The following MROH1 variants were observed in gnomAD, a reference collection of about 807,000 sequenced individuals.
MROH1 encodes maestro heat-like repeat-containing protein family member 1.
In MROH1, 117 loss-of-function variants were observed where a neutral mutation model predicts 116.5. The observed-to-expected ratio is 1.00, with a 90% CI of 0.86 to 1.17. The LOEUF is 1.17. Ranked by LOEUF, MROH1 falls within the 50% of genes most tolerant of loss-of-function variation. The pLI is 0.00. For synonymous variants in MROH1, 921 were observed against 583.9 expected (o/e 1.58, Z -8.32); for missense variants, 1,873 against 1,338.5 (o/e 1.40, Z -6.23).
chr8:144,211,870 A>G lies in MROH1; in HGVS notation c.1142-8730A>G, dbSNP rs1834174982. 3.3e-5 allele frequency among the ~76,000 whole-genome samples: 5 copies of G among 152,286 alleles called. No individual in the cohort carries two copies. The South Asian group carries it at 8.3e-4, about 25-fold the overall frequency. On this transcript the variant is annotated intron_variant, in intron 12 of 43. Transcript: ENST00000326134. ...GACGCATTTGATGGCTTCAATCCAG[A>G]GCAGTCATCACCATCACCGAAGCTC...
intron 14 of MROH1, among the ~76,000 whole-genome samples, chr8:144,237,183 G>A (rs905916092): frequency 1.3e-5 from 2 of 152,092 alleles, no homozygotes; most frequent in Non-Finnish European, 2.9e-5. Flanking sequence ...GGGATTATAG[G>A]CATGAGCCAC....
At chr8:144,237,371 C>T (rs1840233315) in intron 14 of MROH1, among the ~76,000 whole-genome samples, 1 of 152,246 alleles carries the variant, frequency 6.6e-6, no homozygotes, top group African/African-American at 2.4e-5. Flanking sequence ...GTCCTGAGGC[C>T]CTGTTGCCCT....
chr8:144,244,388 G>A, intron 27 of MROH1, 52 bp downstream of exon 27: 1 of 724,168 alleles, frequency 1.4e-6, no homozygotes, highest in East Asian at 2.6e-5. Context: ...GTGGTGGGAG[G>A]CCACTGTAGG....
At chr8:144,229,380 ATTTT>A (rs60877043) in intron 14 of MROH1, among the ~76,000 whole-genome samples, 8 of 108,894 alleles carry the variant, frequency 7.3e-5, no homozygotes, top group Admixed American at 1.0e-4. Context: ...TACCTTATGA[ATTTT>A]TTTTTTTTTT....
chr8:144,180,071 T>C lies in MROH1; in HGVS notation c.301-107T>C. 1.4e-6 allele frequency: 2 copies of C among 1,413,078 alleles called. No homozygotes were observed. Among genetic ancestry groups the C allele is most frequent in the Non-Finnish European group, 2.0e-6 (2 of 1,020,066 alleles). The allele number at this position is 1,413,078 out of a possible 1,614,324, so 87.5% of individuals were successfully genotyped here. A position where few individuals can be genotyped will look rare whatever the true frequency, so the allele number is the denominator to read the frequency against. ...CCCGCCACCTTCCCTGACCTGCACTTTCTGGGGACGCTGAAAACAGCGTGC... is the reference window on the plus strand; with the variant it reads ...CCCGCCACCTTCCCTGACCTGCACTCTCTGGGGACGCTGAAAACAGCGTGC... On this transcript the variant is annotated intron_variant, in intron 5 of 43. Coordinates refer to ENST00000326134, the MANE Select transcript of MROH1 (RefSeq NM_032450.3). The surrounding 1 kb of genome is among the most constrained non-coding windows in gnomAD (Gnocchi z 7.4).
intron 12 of MROH1, among the ~76,000 whole-genome samples, chr8:144,217,218 C>T (rs753923903): frequency 2.0e-4 from 30 of 152,170 alleles, no homozygotes; most frequent in Non-Finnish European, 5.9e-5. Context: ...ACAGGGGTGG[C>T]AGACAACCAC....
At chr8:144,256,836 G>A (rs998792862) in intron 35 of MROH1, among the ~76,000 whole-genome samples, 8 of 152,370 alleles carry the variant, frequency 5.3e-5, no homozygotes, top group South Asian at 2.1e-4. Context: ...TAGATTTGTC[G>A]AAGCTGGTTG....
At chr8:144,244,166 G>C (rs1354176336) in intron 26 of MROH1, 56 bp from the exon 27 acceptor site, 5 of 711,466 alleles carry the variant, frequency 7.0e-6, no homozygotes, top group Admixed American at 4.0e-5. Context: ...GAGGTTACTG[G>C]GTGTCTGAGT....
At chr8:144,232,192 A>C (rs1420599708) in intron 14 of MROH1, among the ~76,000 whole-genome samples, 1 of 152,106 alleles carries the variant, frequency 6.6e-6, no homozygotes, top group Non-Finnish European at 1.5e-5. Flanking sequence ...GCCTCTCTTC[A>C]TACCCCCACC....
chr8:144,250,574 G>A lies in MROH1; in HGVS notation c.3428+208G>A, dbSNP rs1473649888. On this transcript the variant is annotated intron_variant, in intron 33 of 43. Coordinates refer to ENST00000326134, the MANE Select transcript of MROH1 (RefSeq NM_032450.3). ...GACCTCTCCTCTCCAGGCGTTTTGG[G>A]ATCCTCACTGGCTCCGGTGGGCCCT... 7.8e-6 allele frequency: 5 copies of A among 641,070 alleles called. No homozygotes were observed. The Admixed American group carries it at 8.9e-5, about 11-fold the overall frequency. 39.7% of individuals were successfully genotyped at this position (641,070 alleles called of 1,614,324 possible). A position where few individuals can be genotyped will look rare whatever the true frequency, so the allele number is the denominator to read the frequency against.
intron 35 of MROH1, among the ~76,000 whole-genome samples, chr8:144,256,407 C>T (rs1843801041): frequency 7.5e-6 from 1 of 133,426 alleles, no homozygotes; most frequent in Admixed American, 7.2e-5. Context: ...CCTCCCCCTG[C>T]CCCCCTTGGC....
In MROH1 at chr8:144,192,539, T is replaced by A. The variant is rs1828898049; in HGVS notation, c.948+138T>A. ...CTGAGGACTGGGCATTCCCTGAAGG[T>A]CACTCGGGTGACTTCTTAGCGATGT... On this transcript the variant is annotated intron_variant, in intron 10 of 43. Transcript: ENST00000326134. 12 of 755,544 alleles carry A rather than the reference T, an allele frequency of 1.6e-5. No homozygotes were observed. The East Asian group carries it at 3.2e-4, about 20-fold the overall frequency. 46.8% of individuals were successfully genotyped at this position (755,544 alleles called of 1,614,324 possible).
chr8:144,194,136 C>T (rs779839441), intron 10 of MROH1, among the ~76,000 whole-genome samples: 1 of 152,166 alleles, frequency 6.6e-6, no homozygotes, highest in Non-Finnish European at 1.5e-5. Context: ...GATCTTGGCT[C>T]ACTGCAACCT....
intron 24 of MROH1, 109 bp downstream of exon 24, chr8:144,242,737 G>A: frequency 1.4e-6 from 1 of 707,330 alleles, no homozygotes; most frequent in Non-Finnish European, 2.6e-6. Context: ...GGAGCTTGCT[G>A]GGGCTTCCTG....
At chr8:144,241,741 G>T (rs1445787481) in intron 22 of MROH1, among the ~76,000 whole-genome samples, 1 of 152,244 alleles carries the variant, frequency 6.6e-6, no homozygotes, top group Admixed American at 6.5e-5. Flanking sequence ...CCAGGGCCAC[G>T]TCTCTGCCAG....
At chr8:144,202,012 C>G (rs1334787024) in intron 12 of MROH1, among the ~76,000 whole-genome samples, 2 of 139,846 alleles carry the variant, frequency 1.4e-5, no homozygotes, top group Non-Finnish European at 3.0e-5. Context: ...AGTGAGACTC[C>G]GTCTCCAAAA....
chr8:144,261,626 C>T lies in MROH1; in HGVS notation c.4841-29C>T, dbSNP rs782268880. Reference sequence around the variant, plus strand: ...GCATGGGCATGCCGAGGTCACAGCCCGCAGGCAGCCCCCCTCCTCTACCCC... The same window carrying T: ...GCATGGGCATGCCGAGGTCACAGCCTGCAGGCAGCCCCCCTCCTCTACCCC... On this transcript the variant is annotated intron_variant, in intron 43 of 43. Coordinates refer to ENST00000326134, the MANE Select transcript of MROH1 (RefSeq NM_032450.3). The T allele has an allele frequency of 1.9e-3, 1,347 of 703,692 alleles. 6 individuals are homozygous for T. The highest frequency in any genetic ancestry group is 4.1e-3 in the South Asian group (279 of 67,586). 43.6% of individuals were successfully genotyped at this position (703,692 alleles called of 1,614,324 possible).
intron 10 of MROH1, among the ~76,000 whole-genome samples, chr8:144,195,745 C>T (rs1303956658): frequency 6.6e-6 from 1 of 151,996 alleles, no homozygotes; most frequent in Non-Finnish European, 1.5e-5. Context: ...CGCTTTGTCA[C>T]ACAGGCTGGA....
At chr8:144,152,555 A>ATTTTTTTTT (rs1554774004) in intron 1 of MROH1, among the ~76,000 whole-genome samples, 4 of 130,528 alleles carry the variant, frequency 3.1e-5, no homozygotes, top group African/African-American at 1.1e-4. Context: ...TATTATTATT[A>ATTTTTTTTT]TTTTTTTTTT....
Sources: allele counts gnomAD v4.1 joint callset (sites outside exome capture counted in the v4.1 genomes callset), GRCh38; gene constraint gnomAD v4.1.1; non-coding constraint Gnocchi (gnomAD v3.1); transcripts MANE v1.5; gene names NCBI Gene and HGNC (gene_info 2026-07-23, HGNC 2026-07-21).